SNRPA1: variants seen among roughly 807,000 people sequenced by gnomAD.
SNRPA1 encodes U2 small nuclear ribonucleoprotein A'.
Under a neutral mutation model 32.3 loss-of-function variants are expected in SNRPA1, and 5 were observed. The ratio of observed to expected loss-of-function variants is 0.15; its 90% CI spans 0.08 to 0.33. SNRPA1 has a LOEUF of 0.33. SNRPA1 is among the 10% of genes least tolerant of loss of function. The probability of loss-of-function intolerance (pLI) is 1.00; values close to 1 mark genes in which losing one functional copy is unlikely to be tolerated. For synonymous variants in SNRPA1, 111 were observed against 120.1 expected (o/e 0.92, Z 0.50); for missense variants, 198 against 311.1 (o/e 0.64, Z 2.74).
At chr15:101,294,649 C>T (rs187151883) in intron 1 of SNRPA1, among the ~76,000 whole-genome samples, 231 of 152,308 alleles carry the variant, frequency 1.5e-3, no homozygotes, top group African/African-American at 5.2e-3. Flanking sequence ...TGTTCGGGGA[C>T]TTAGTTTCCT....
At chr15:101,286,795 T>C (rs2039459946) in intron 5 of SNRPA1, 113 bp downstream of exon 5, 1 of 623,580 alleles carries the variant, frequency 1.6e-6, no homozygotes, top group East Asian at 2.7e-5. Flanking sequence ...CCACTTTTAT[T>C]ACAAACTAAT....
intron 4 of SNRPA1, among the ~76,000 whole-genome samples, chr15:101,287,438 G>T (rs1405119982): frequency 6.6e-6 from 1 of 151,970 alleles, no homozygotes; most frequent in Non-Finnish European, 1.5e-5. Flanking sequence ...TGGGGTGTTT[G>T]GTTTTTTGTC....
chr15:101,294,200 C>T (rs557680229), intron 1 of SNRPA1, among the ~76,000 whole-genome samples: 15 of 152,370 alleles, frequency 9.8e-5, no homozygotes, highest in African/African-American at 3.6e-4. Context: ...CACGCCACTG[C>T]GCTCCAGCTG....
chr15:101,292,933 G>A lies in SNRPA1; in HGVS notation c.230+92C>T, dbSNP rs973726738. The A allele has an allele frequency of 6.8e-6, 5 of 732,342 alleles. No individual in the cohort carries two copies. In the Admixed American group the frequency reaches 9.6e-5, roughly 14 times the overall value. 45.4% of individuals were successfully genotyped at this position (732,342 alleles called of 1,614,324 possible). ...AAAGAAAAAGAAAAAGAAACATGTAGGTTTAACCAGTAGCACGTGCTACAA... is the reference window on the plus strand; with the variant it reads ...AAAGAAAAAGAAAAAGAAACATGTAAGTTTAACCAGTAGCACGTGCTACAA... On this transcript the variant is annotated intron_variant, in intron 2 of 8. Coordinates refer to ENST00000254193, the MANE Select transcript of SNRPA1 (RefSeq NM_003090.4).
rs1249384077 is a variant in SNRPA1 at position 101,293,092 on chromosome 15, T to G, written c.163A>C (p.Arg55=). The change falls in exon 2 of 9, where the codon AGG becomes CGG. Residue 55 remains arginine, a synonymous_variant. Transcript: ENST00000254193. ...DAIDFSDNEI[R]KLDGFPLLRR... is the part of the protein sequence containing the mutation. Reference sequence around the variant, plus strand: ...AACAAAGGAAAACCATCCAGTTTCCTGATCTCATTGTCAGAAAAATCAATA... The same window carrying G: ...AACAAAGGAAAACCATCCAGTTTCCGGATCTCATTGTCAGAAAAATCAATA... 2 of 1,612,438 alleles carry G rather than the reference T, an allele frequency of 1.2e-6. No homozygotes were observed. The highest frequency in any genetic ancestry group is 1.1e-5 in the South Asian group (1 of 90,870).
At chr15:101,283,319 C>T (rs557160527) in intron 8 of SNRPA1, among the ~76,000 whole-genome samples, 1 of 151,566 alleles carries the variant, frequency 6.6e-6, no homozygotes. Context: ...GAGGCCAAGG[C>T]GGGTGGATCA....
chr15:101,287,346 C>T (rs192854862), intron 4 of SNRPA1, among the ~76,000 whole-genome samples: 8 of 152,084 alleles, frequency 5.3e-5, no homozygotes, highest in Non-Finnish European at 1.0e-4. Context: ...TTCCCCACCC[C>T]ACAACAGGCC....
rs113295185 is a variant in SNRPA1 at position 101,291,732 on chromosome 15, C to T, written c.309+230G>A. Among the ~76,000 whole-genome samples the T allele has an allele frequency of 3.1e-3, 469 of 152,202 alleles. 2 individuals are homozygous for T. Among genetic ancestry groups the T allele is most frequent in the African/African-American group, 0.011 (439 of 41,506 alleles). ...AAGAAGATTGATTCATTGGACTGCA[C>T]CTAAATTAGGAACTTCTCTAACAAG... On this transcript the variant is annotated intron_variant, in intron 3 of 8. Transcript: ENST00000254193.
At chr15:101,292,632 T>C in intron 2 of SNRPA1, among the ~76,000 whole-genome samples, 1 of 151,982 alleles carries the variant, frequency 6.6e-6, no homozygotes. Flanking sequence ...AAAGTATAAT[T>C]GTTACCTTTA....
Position 101,287,653 on chromosome 15 carries a change from T to C in SNRPA1, c.356+3A>G. ...ATTTTGTCACAATATGTAATTCCCA[T>C]ACCTTAGGTAAGTCAGCGATTTGAG... is the stretch of plus-strand genomic sequence containing the variant. On this transcript the variant is annotated splice_donor_region_variant and intron_variant, in intron 4 of 8. Coordinates refer to ENST00000254193, the MANE Select transcript of SNRPA1 (RefSeq NM_003090.4). 6.2e-7 allele frequency: 1 copy of C among 1,612,286 alleles called. No individual in the cohort carries two copies. The highest frequency in any genetic ancestry group is 8.5e-7 in the Non-Finnish European group (1 of 1,178,326).
rs2039571744 is a variant in SNRPA1 at position 101,294,980 on chromosome 15, G to A, written c.82+117C>T. 7 of 595,368 alleles carry A rather than the reference G, an allele frequency of 1.2e-5. No individual in the cohort carries two copies. In the East Asian group the frequency reaches 2.1e-4, roughly 18 times the overall value. The allele number at this position is 595,368 out of a possible 1,614,324, so 36.9% of individuals were successfully genotyped here. A position where few individuals can be genotyped will look rare whatever the true frequency, so the allele number is the denominator to read the frequency against. The stretch of plus-strand genomic sequence containing the variant: ...CGGCGTTCCCTGCGCAGCCCGGTCG[G>A]AGCCCAGACAACCGGCCCGCGGGCC... On this transcript the variant is annotated intron_variant, in intron 1 of 8. Coordinates refer to ENST00000254193, the MANE Select transcript of SNRPA1 (RefSeq NM_003090.4).
intron 8 of SNRPA1, among the ~76,000 whole-genome samples, chr15:101,283,948 A>G (rs528735422): frequency 1.3e-5 from 2 of 152,364 alleles, no homozygotes; most frequent in South Asian, 2.1e-4. Context: ...CTCAAAAAGG[A>G]AAAAAATGTC....
chr15:101,285,711 C>G lies in SNRPA1; in HGVS notation c.615+15G>C, dbSNP rs781208586. 17 of 1,593,798 alleles carry G rather than the reference C, an allele frequency of 1.1e-5. No individual in the cohort carries two copies. Among genetic ancestry groups the G allele is most frequent in the Non-Finnish European group, 1.5e-5 (17 of 1,161,676 alleles). On this transcript the variant is annotated intron_variant, in intron 7 of 8. Transcript: ENST00000254193. ...CTTAGCTCATTCCAGTCCAAGAATC[C>G]TAACACATGATTACCTTGATTGCTT...
At chr15:101,282,870 A>G (rs2039412499) in intron 8 of SNRPA1, among the ~76,000 whole-genome samples, 2 of 152,212 alleles carry the variant, frequency 1.3e-5, no homozygotes, top group South Asian at 4.1e-4. Context: ...TGAATTTTCA[A>G]TTGTTTTCCC....
chr15:101,283,118 G>C (rs1348651650), intron 8 of SNRPA1, among the ~76,000 whole-genome samples: 2 of 152,228 alleles, frequency 1.3e-5, no homozygotes, highest in African/African-American at 2.4e-5. Context: ...TGGGAGTGCA[G>C]AGCAGGGAAG....
In SNRPA1 at chr15:101,284,823, A is replaced by G. The variant is rs560557525; in HGVS notation, c.709+144T>C. On this transcript the variant is annotated intron_variant, in intron 8 of 8. Transcript: ENST00000254193. The stretch of plus-strand genomic sequence containing the variant: ...AACCCATCAAATACTTTATCTTCAA[A>G]GAGCATTTAAAGAGATTTCATATAT... The G allele has an allele frequency of 9.9e-4, 672 of 678,414 alleles. 1 individual carries two copies. Among genetic ancestry groups the G allele is most frequent in the Admixed American group, 1.5e-3 (77 of 50,744 alleles). 42.0% of individuals were successfully genotyped at this position (678,414 alleles called of 1,614,324 possible).
At chr15:101,286,511 AG>A (rs2039456313) in intron 5 of SNRPA1, 1 of 519,058 alleles carries the variant, frequency 1.9e-6, no homozygotes, top group South Asian at 3.1e-5. Context: ...AGGGGATCCC[AG>A]GGAACTAAGA....
At chr15:101,290,574 A>T (rs1021079988) in intron 3 of SNRPA1, among the ~76,000 whole-genome samples, 1 of 142,482 alleles carries the variant, frequency 7.0e-6, no homozygotes, top group Non-Finnish European at 1.5e-5. Context: ...AAGTTATACG[A>T]TTTTTTTTTT....
intron 8 of SNRPA1, among the ~76,000 whole-genome samples, chr15:101,283,483 A>G (rs539727764): frequency 2.0e-4 from 30 of 151,716 alleles, no homozygotes; most frequent in African/African-American, 6.8e-4. Flanking sequence ...GAAGAATGGC[A>G]TGAACCCAGG....
Sources: allele counts gnomAD v4.1 joint callset (sites outside exome capture counted in the v4.1 genomes callset), GRCh38; gene constraint gnomAD v4.1.1; transcripts MANE v1.5; gene names NCBI Gene and HGNC (gene_info 2026-07-23, HGNC 2026-07-21).